CLYBL: variants seen among roughly 807,000 people sequenced by gnomAD.
CLYBL encodes the protein citramalyl-CoA lyase, mitochondrial.
In CLYBL, 31 loss-of-function variants were observed where a neutral mutation model predicts 38.9. The observed-to-expected ratio is 0.80, with a 90% CI of 0.60 to 1.08. The LOEUF is 1.08. Among genes scored for constraint, CLYBL ranks in the 50% least tolerant of loss-of-function variants. CLYBL has a pLI of 0.00. For synonymous variants in CLYBL, 171 were observed against 158.6 expected, an observed-to-expected ratio of 1.08 and a Z score of -0.59; for missense variants, 434 against 411.6, an observed-to-expected ratio of 1.05 and a Z score of -0.47.
rs574159335 is a variant in CLYBL at position 99,614,784 on chromosome 13, C to T, written c.62+8027C>T. Reference sequence around the variant, plus strand: ...AGGCCAAGGAGTCAGGGGGGGAGGCCGGGACCTGAAGATCAACTCTTTACT... The same window carrying T: ...AGGCCAAGGAGTCAGGGGGGGAGGCTGGGACCTGAAGATCAACTCTTTACT... On this transcript the variant is annotated intron_variant, in intron 1 of 8. Transcript: ENST00000339105. 6.6e-5 allele frequency among the ~76,000 whole-genome samples: 10 copies of T among 152,120 alleles called. No individual in the cohort carries two copies. In the East Asian group the frequency reaches 9.7e-4, roughly 15 times the overall value.
At chr13:99,733,639 C>T (rs1241983116) in intron 1 of CLYBL, among the ~76,000 whole-genome samples, 1 of 152,230 alleles carries the variant, frequency 6.6e-6, no homozygotes, top group African/African-American at 2.4e-5. Context: ...TGGTTCCTTC[C>T]CTCAGAAGAA....
chr13:99,655,739 C>T (rs141227337), intron 1 of CLYBL, among the ~76,000 whole-genome samples: 10 of 152,188 alleles, frequency 6.6e-5, no homozygotes, highest in African/African-American at 1.9e-4. Flanking sequence ...TCTGGGTGCC[C>T]GTGAGTCAGA....
intron 1 of CLYBL, among the ~76,000 whole-genome samples, chr13:99,769,386 C>T (rs2049335203): frequency 6.6e-6 from 1 of 152,150 alleles, no homozygotes; most frequent in South Asian, 2.1e-4. Flanking sequence ...GGGAAGATTG[C>T]TGGTGCTTTC....
chr13:99,661,545 T>C (rs1012588167), intron 1 of CLYBL, among the ~76,000 whole-genome samples: 1 of 152,244 alleles, frequency 6.6e-6, no homozygotes, highest in Non-Finnish European at 1.5e-5. Context: ...ATGGAAGTGA[T>C]TCCATTTTAA....
At chr13:99,893,640 G>A (rs2052532539), downstream of CLYBL, 1 of 152,576 alleles carries the variant, frequency 6.6e-6, no homozygotes, top group African/African-American at 2.4e-5. Context: ...GGGGATGAAG[G>A]GCTTGCGTTC....
chr13:99,650,649 C>T (rs867122018), intron 1 of CLYBL, among the ~76,000 whole-genome samples: 8 of 152,150 alleles, frequency 5.3e-5, no homozygotes, highest in African/African-American at 1.7e-4. Context: ...TCTAGCACCA[C>T]CTTTCCTCGT....
rs114129932 is a variant in CLYBL, at chr13:99,908,122, A to G, written c.*228A>G. Among the ~76,000 whole-genome samples the G allele has an allele frequency of 2.5e-3, 383 of 152,350 alleles. 2 individuals are homozygous for G. The highest frequency in any genetic ancestry group is 8.8e-3 in the African/African-American group (366 of 41,576). On this transcript the variant is annotated 3_prime_UTR_variant and NMD_transcript_variant, in exon 10 of 10. Transcript: ENST00000689673. ...GATGCAACTGACATCCTCAATAGCTACAGAGAACTTGCAAAGGAGTAGAGA... is the reference window on the plus strand; with the variant it reads ...GATGCAACTGACATCCTCAATAGCTGCAGAGAACTTGCAAAGGAGTAGAGA...
intron 1 of CLYBL, among the ~76,000 whole-genome samples, chr13:99,687,639 A>G (rs192243379): frequency 1.7e-3 from 258 of 152,380 alleles, no homozygotes; most frequent in African/African-American, 5.9e-3. Context: ...ACCAAAAGAC[A>G]TAAGGGACTA....
intron 1 of CLYBL, among the ~76,000 whole-genome samples, chr13:99,730,874 G>A (rs2048577376): frequency 6.6e-6 from 1 of 152,074 alleles, no homozygotes; most frequent in African/African-American, 2.4e-5. Flanking sequence ...CCTGAGGTCA[G>A]GAGTTTGAGA....
intron 2 of CLYBL, among the ~76,000 whole-genome samples, chr13:99,804,581 C>T (rs1225236674): frequency 6.6e-6 from 1 of 152,140 alleles, no homozygotes; most frequent in Non-Finnish European, 1.5e-5. Flanking sequence ...GCTCCCTGCC[C>T]TGTAGTCTTC....
chr13:99,864,762 C>T, intron 4 of CLYBL, 56 bp from the exon 5 acceptor site: 1 of 1,234,306 alleles, frequency 8.1e-7, no homozygotes, highest in South Asian at 1.2e-5. Context: ...CACCGTGCCT[C>T]TTCCCTCTGA....
intron 1 of CLYBL, among the ~76,000 whole-genome samples, chr13:99,624,939 T>C (rs1163347866): frequency 1.3e-5 from 2 of 152,180 alleles, no homozygotes; most frequent in Non-Finnish European, 2.9e-5. Flanking sequence ...GTTTTTGGTT[T>C]TTCCCCAACT....
Position 99,864,926 on chromosome 13 carries a change from T to TATG in CLYBL, c.634+15_634+16insATG. The stretch of plus-strand genomic sequence containing the variant: ...AGCCAGCATAGGTGTCAAAGACATC[T>TATG]CTCTCTCTCTTTTTCTGTGTGTGTG... On this transcript the variant is annotated intron_variant, in intron 5 of 8. Transcript: ENST00000339105. 6.5e-7 allele frequency: 1 copy of TATG among 1,544,702 alleles called. No homozygotes were observed.
At chr13:99,907,823 C>T (rs998489090) in intron 9 of CLYBL, among the ~76,000 whole-genome samples, 3 of 152,136 alleles carry the variant, frequency 2.0e-5, no homozygotes, top group African/African-American at 7.2e-5. Flanking sequence ...AGCAAGACTC[C>T]ATCTCAAAAA....
intron 2 of CLYBL, among the ~76,000 whole-genome samples, chr13:99,836,829 G>A (rs899337575): frequency 4.6e-5 from 7 of 151,248 alleles, no homozygotes; most frequent in African/African-American, 1.7e-4. Flanking sequence ...TCATAGGTGG[G>A]AATTGAACAA....
chr13:99,742,166 A>G (rs929800488), intron 1 of CLYBL, among the ~76,000 whole-genome samples: 2 of 152,180 alleles, frequency 1.3e-5, no homozygotes, highest in African/African-American at 2.4e-5. Context: ...GCCGCTATGG[A>G]GCACTCGGTT....
rs375977769 is a variant in CLYBL at position 99,839,756 on chromosome 13, GC to G, written c.250-19104del. 4.0e-3 allele frequency among the ~76,000 whole-genome samples: 607 copies of G among 152,116 alleles called. 3 individuals are homozygous for G. The highest frequency in any genetic ancestry group is 0.014 in the African/African-American group (579 of 41,498). ...ACATGAGATACTTTGATTCAGGCAT[GC>G]AAAAAGCAGTAATCACATCACGGAA... On this transcript the variant is annotated intron_variant, in intron 2 of 8. Transcript: ENST00000339105.
intron 1 of CLYBL, among the ~76,000 whole-genome samples, chr13:99,647,468 A>G (rs145172836): frequency 9.1e-4 from 138 of 151,538 alleles, no homozygotes; most frequent in African/African-American, 3.2e-3. Flanking sequence ...AGTGGGAAGA[A>G]CTTATTTCAG....
intron 1 of CLYBL, among the ~76,000 whole-genome samples, chr13:99,677,643 AT>A (rs1043619073): frequency 3.9e-4 from 60 of 152,340 alleles, no homozygotes; most frequent in African/African-American, 1.4e-3. Context: ...TTTTGGAGAA[AT>A]CTGTGACTGT....
Sources: allele counts gnomAD v4.1 joint callset (sites outside exome capture counted in the v4.1 genomes callset), GRCh38; gene constraint gnomAD v4.1.1; transcripts MANE v1.5; gene names NCBI Gene and HGNC (gene_info 2026-07-23, HGNC 2026-07-21).